DNAH11: variants seen among roughly 807,000 people sequenced by gnomAD.
DNAH11 encodes axonemal beta dynein heavy chain 11.
DNAH11 carries 442 observed loss-of-function variants against 526.0 expected under a neutral mutation model. That is an observed-to-expected ratio of 0.84 (90% CI 0.78 to 0.91). The LOEUF is 0.91. Ranked by LOEUF, DNAH11 falls within the 40% of genes least tolerant of loss-of-function variation. The probability of loss-of-function intolerance (pLI) is 0.00; values close to 1 mark genes in which losing one functional copy is unlikely to be tolerated. For synonymous variants in DNAH11, 2,461 were observed against 1,935.9 expected (o/e 1.27, Z -7.12); for missense variants, 6,989 against 5,448.7 (o/e 1.28, Z -8.90).
rs537018120 is a variant in DNAH11, at chr7:21,862,359, T to C, written c.11373+336T>C. ...AACTTCCAGGCACTACCAGGAAGGTTCTTTGAGATCAGGGTTATGAGTCCA... is the reference window on the plus strand; with the variant it reads ...AACTTCCAGGCACTACCAGGAAGGTCCTTTGAGATCAGGGTTATGAGTCCA... On this transcript the variant is annotated intron_variant, in intron 69 of 81. Coordinates refer to ENST00000409508, the MANE Select transcript of DNAH11 (RefSeq NM_001277115.2). 5.3e-5 allele frequency among the ~76,000 whole-genome samples: 8 copies of C among 152,268 alleles called. No homozygotes were observed. The South Asian group carries it at 1.7e-3, about 32-fold the overall frequency.
chr7:21,860,758 C>G (rs150228066), intron 68 of DNAH11, among the ~76,000 whole-genome samples: 3 of 151,952 alleles, frequency 2.0e-5, no homozygotes, highest in Non-Finnish European at 4.4e-5. Flanking sequence ...AAAGACATAC[C>G]CAAGAGACTG....
At position 21,748,555 on chromosome 7, in the gene DNAH11, C is replaced by T. The variant is rs749083587; in HGVS notation, c.8511-25C>T. On this transcript the variant is annotated intron_variant, in intron 51 of 81. Transcript: ENST00000409508. Reference sequence around the variant, plus strand: ...TCCCGGGGCATTTTCGATTTTGTGCCATAATGGGCGCTTCCTTTCCTCAGG... The same window carrying T: ...TCCCGGGGCATTTTCGATTTTGTGCTATAATGGGCGCTTCCTTTCCTCAGG... 4 of 1,455,922 alleles carry T rather than the reference C, an allele frequency of 2.7e-6. No homozygotes were observed. In the South Asian group the frequency reaches 4.9e-5, roughly 18 times the overall value. 90.2% of individuals were successfully genotyped at this position (1,455,922 alleles called of 1,614,324 possible).
intron 2 of DNAH11, among the ~76,000 whole-genome samples, chr7:21,552,297 A>G (rs1042297122): frequency 2.6e-5 from 4 of 152,190 alleles, no homozygotes; most frequent in East Asian, 1.9e-4. Context: ...GTAACTTGAG[A>G]TACAGAATCT....
intron 54 of DNAH11, among the ~76,000 whole-genome samples, chr7:21,754,256 C>G (rs556167376): frequency 8.5e-5 from 13 of 152,234 alleles, no homozygotes; most frequent in African/African-American, 3.1e-4. Flanking sequence ...GAATATGTAT[C>G]TTGTCAAAGA....
At chr7:21,556,662 C>G (rs1211233534) in intron 2 of DNAH11, among the ~76,000 whole-genome samples, 1 of 152,118 alleles carries the variant, frequency 6.6e-6, no homozygotes, top group Non-Finnish European at 1.5e-5. Flanking sequence ...TTCTTTAGTC[C>G]TCACCCTCCT....
At chr7:21,832,210 A>T (rs1255057841) in intron 65 of DNAH11, among the ~76,000 whole-genome samples, 1 of 152,050 alleles carries the variant, frequency 6.6e-6, no homozygotes, top group African/African-American at 2.4e-5. Flanking sequence ...TATGAATTTG[A>T]TCCTGTCATT....
At position 21,698,230 on chromosome 7, in the gene DNAH11, T is replaced by C. The variant is rs1300793468; in HGVS notation, c.6180+17T>C. 2 of 1,612,308 alleles carry C rather than the reference T, an allele frequency of 1.2e-6. No individual in the cohort carries two copies. The highest frequency in any genetic ancestry group is 8.5e-7 in the Non-Finnish European group (1 of 1,179,286). The stretch of plus-strand genomic sequence containing the variant: ...TCCAAGCAGGTGAGGGATCATTTGT[T>C]ACGTTTTCTTGTTTTTACATACCAT... On this transcript the variant is annotated intron_variant, in intron 36 of 81. Coordinates refer to ENST00000409508, the MANE Select transcript of DNAH11 (RefSeq NM_001277115.2).
intron 28 of DNAH11, among the ~76,000 whole-genome samples, chr7:21,649,887 A>G (rs1787548306): frequency 6.6e-6 from 1 of 152,096 alleles, no homozygotes; most frequent in African/African-American, 2.4e-5. Flanking sequence ...GCTGGTCTCA[A>G]ACTTCTGGCC....
chr7:21,626,621 C>G (rs567734229), intron 25 of DNAH11, among the ~76,000 whole-genome samples: 20 of 152,124 alleles, frequency 1.3e-4, no homozygotes, highest in African/African-American at 4.1e-4. Context: ...CCATTTTTGC[C>G]TATCTTTCTG....
chr7:21,607,184 G>T (rs1345096067), intron 20 of DNAH11, among the ~76,000 whole-genome samples: 2 of 150,838 alleles, frequency 1.3e-5, no homozygotes, highest in African/African-American at 4.9e-5. Flanking sequence ...GAGACCAAAA[G>T]CTGAAGAACA....
At chr7:21,561,290 C>T (rs761202495) in intron 5 of DNAH11, 120 bp downstream of exon 5, 105 of 695,270 alleles carry the variant, frequency 1.5e-4, no homozygotes, top group Non-Finnish European at 2.2e-4. Flanking sequence ...GCTCATGGCT[C>T]TTCTAATGAT....
At chr7:21,837,539 G>A (rs1782041144) in intron 65 of DNAH11, among the ~76,000 whole-genome samples, 1 of 152,156 alleles carries the variant, frequency 6.6e-6, no homozygotes, top group Admixed American at 6.5e-5. Flanking sequence ...TGGAAGTAGA[G>A]TAGAAAAATG....
chr7:21,766,446 C>T (rs1490550361), intron 55 of DNAH11, among the ~76,000 whole-genome samples: 1 of 152,138 alleles, frequency 6.6e-6, no homozygotes, highest in Non-Finnish European at 1.5e-5. Context: ...GAAAGTGACT[C>T]TCAGAGGCAA....
intron 30 of DNAH11, among the ~76,000 whole-genome samples, chr7:21,679,683 A>G (rs1303967659): frequency 6.6e-6 from 1 of 152,088 alleles, no homozygotes; most frequent in East Asian, 1.9e-4. Context: ...TTGCACAGCT[A>G]CAGTTTCTCA....
chr7:21,879,462 TAAAC>T (rs888388267), intron 74 of DNAH11, among the ~76,000 whole-genome samples: 2 of 149,182 alleles, frequency 1.3e-5, no homozygotes, highest in Non-Finnish European at 3.0e-5. Context: ...AAAAAACAAA[TAAAC>T]AAAAAAAAAA....
chr7:21,595,423 T>G (rs923688307), intron 14 of DNAH11, among the ~76,000 whole-genome samples: 5 of 152,124 alleles, frequency 3.3e-5, no homozygotes, highest in African/African-American at 1.2e-4. Context: ...GTGGTAGCAG[T>G]GAAAGTGATT....
At chr7:21,781,557 C>T (rs188111443) in intron 57 of DNAH11, among the ~76,000 whole-genome samples, 167 of 152,274 alleles carry the variant, frequency 1.1e-3, no homozygotes, top group Non-Finnish European at 1.6e-3. Flanking sequence ...TGAGTAGAGG[C>T]GCCTTCTAAA....
chr7:21,681,598 G>C lies in DNAH11; in HGVS notation c.5381G>C (p.Gly1794Ala), dbSNP rs1395753085. The stretch of plus-strand genomic sequence containing the variant: ...CTTTTGCTGGGAGAACTTCCACCTG[G>C]AGACAGACAGAAGATCATGACAATT... ...ITLLLGELPP[G>A]DRQKIMTICT... The change falls in exon 31 of 82, where the codon GGA becomes GCA. Residue 1794 changes from glycine (G) to alanine (A), a missense_variant. By Grantham distance (60) the Gly-to-Ala change is moderately conservative. Coordinates refer to ENST00000409508, the MANE Select transcript of DNAH11 (RefSeq NM_001277115.2). The C allele has an allele frequency of 1.2e-6, 2 of 1,613,768 alleles. No homozygotes were observed. The highest frequency in any genetic ancestry group is 8.5e-7 in the Non-Finnish European group (1 of 1,179,770).
Position 21,892,617 on chromosome 7 carries a change from C to T in DNAH11, c.12700C>T (p.Pro4234Ser), listed in dbSNP as rs376606944. The change falls in exon 77 of 82, where the codon CCC (proline) becomes TCC (serine). Residue 4234 changes from proline (P) to serine (S), a missense_variant. Transcript: ENST00000409508. ...CTTCAGAACTTTGCTGGAGATGCAG[C>T]CCAGGAATGCACTCAGTGGTGATGA... The part of the protein sequence containing the change: ...TLFRTLLEMQ[P>S]RNALSGDELG... 1.2e-5 allele frequency: 19 copies of T among 1,613,128 alleles called. No individual in the cohort carries two copies. The African/African-American group carries it at 2.0e-4, about 17-fold the overall frequency.
Sources: allele counts gnomAD v4.1 joint callset (sites outside exome capture counted in the v4.1 genomes callset), GRCh38; gene constraint gnomAD v4.1.1; transcripts MANE v1.5; gene names NCBI Gene and HGNC (gene_info 2026-07-23, HGNC 2026-07-21).